L3MBTL4: variants seen among roughly 807,000 people sequenced by gnomAD.
L3MBTL4 encodes lethal(3)malignant brain tumor-like protein 4.
In L3MBTL4, 70 loss-of-function variants were observed where a neutral mutation model predicts 84.5. The ratio of observed to expected loss-of-function variants is 0.83; its 90% CI spans 0.68 to 1.01. L3MBTL4 has a LOEUF of 1.01. Ranked by LOEUF, L3MBTL4 falls within the 50% of genes least tolerant of loss-of-function variation. L3MBTL4 has a pLI of 0.00. For synonymous variants in L3MBTL4, 274 were observed against 259.8 expected, an observed-to-expected ratio of 1.05 and a Z score of -0.52; for missense variants, 715 against 754.8, an observed-to-expected ratio of 0.95 and a Z score of 0.62.
At chr18:6,274,761 G>C (rs2049011516) in intron 4 of L3MBTL4, among the ~76,000 whole-genome samples, 1 of 152,172 alleles carries the variant, frequency 6.6e-6, no homozygotes, top group Non-Finnish European at 1.5e-5. Flanking sequence ...ATATCAGGAA[G>C]GAGATCATGG....
intron 14 of L3MBTL4, among the ~76,000 whole-genome samples, chr18:6,114,093 C>G (rs1233569961): frequency 6.6e-6 from 1 of 152,234 alleles, no homozygotes; most frequent in Admixed American, 6.5e-5. Context: ...GACACACACA[C>G]AGACATCTAC....
At position 6,072,884 on chromosome 18, in the gene L3MBTL4, ATATAT is replaced by A. The variant is rs1568069853; in HGVS notation, c.1444+7992_1444+7996del. 1.8e-3 allele frequency among the ~76,000 whole-genome samples: 36 copies of A among 19,718 alleles called. 4 individuals are homozygous for A. Among genetic ancestry groups the A allele is most frequent in the Non-Finnish European group, 2.4e-3 (25 of 10,564 alleles). The allele number at this position is 19,718 out of a possible 152,430, so 12.9% of individuals were successfully genotyped here. Reference sequence around the variant, plus strand: ...CCGTCTCAAAAAAAAAAAAAAAAATATATATATATATATATATATATATATATATA... The same window carrying A: ...CCGTCTCAAAAAAAAAAAAAAAAATAATATATATATATATATATATATATA... On this transcript the variant is annotated intron_variant, in intron 16 of 18. Coordinates refer to ENST00000317931, the MANE Select transcript of L3MBTL4 (RefSeq NM_001330559.2).
intron 1 of L3MBTL4, among the ~76,000 whole-genome samples, chr18:6,361,373 G>A (rs1325022525): frequency 3.9e-5 from 6 of 152,088 alleles, no homozygotes; most frequent in African/African-American, 7.2e-5. Flanking sequence ...CCCCACCGCC[G>A]TCTGCCCCAA....
intron 14 of L3MBTL4, among the ~76,000 whole-genome samples, chr18:6,105,917 C>A (rs1297226704): frequency 1.3e-5 from 2 of 151,594 alleles, no homozygotes; most frequent in Non-Finnish European, 2.9e-5. Context: ...AGAAAGATAC[C>A]ATCAAAACAC....
chr18:6,146,390 G>A (rs2042652413), intron 13 of L3MBTL4, among the ~76,000 whole-genome samples: 1 of 152,230 alleles, frequency 6.6e-6, no homozygotes, highest in Non-Finnish European at 1.5e-5. Flanking sequence ...GAGATGTAGA[G>A]AGCAGAAAGA....
At chr18:6,234,274 AAAC>A (rs2047122074) in intron 10 of L3MBTL4, among the ~76,000 whole-genome samples, 1 of 152,238 alleles carries the variant, frequency 6.6e-6, no homozygotes, top group Non-Finnish European at 1.5e-5. Context: ...TTCATGTCTA[AAAC>A]ACCAAAAGCA....
intron 12 of L3MBTL4, among the ~76,000 whole-genome samples, chr18:6,185,472 A>G (rs1351872751): frequency 6.6e-6 from 1 of 152,170 alleles, no homozygotes. Flanking sequence ...GACCTCCCTC[A>G]CTGCAGGCTG....
chr18:6,029,753 C>T, intron 16 of L3MBTL4: 1 of 985,132 alleles, frequency 1.0e-6, no homozygotes, highest in Middle Eastern at 5.2e-4. Flanking sequence ...AATTAACCAA[C>T]TGGAATGGAA....
At position 6,301,932 on chromosome 18, in the gene L3MBTL4, G is replaced by A; in HGVS notation, c.98C>T (p.Pro33Leu). ...ACTCAAAGGGGTTGTGCTATCCTTG[G>A]GCTTCTTTTCCTCTTCAGCTTGCTC... ...RLEQAEEEKK[P>L]KDSTTPLSHV... The change falls in exon 4 of 19, where the codon CCC becomes CTC. Residue 33 changes from proline (P) to leucine (L), a missense_variant. Physicochemically the swap from Pro to Leu is moderately conservative, Grantham distance 98. Coordinates refer to ENST00000317931, the MANE Select transcript of L3MBTL4 (RefSeq NM_001330559.2). 1.9e-6 allele frequency: 3 copies of A among 1,613,282 alleles called. No homozygotes were observed. The East Asian group carries it at 6.7e-5, about 36-fold the overall frequency.
chr18:6,144,127 T>A (rs1282574831), intron 13 of L3MBTL4, among the ~76,000 whole-genome samples: 1 of 135,176 alleles, frequency 7.4e-6, no homozygotes, highest in Admixed American at 9.1e-5. Context: ...ACCTGGAAGG[T>A]GGAGCTTGCA....
chr18:6,186,989 G>C (rs2044802921), intron 12 of L3MBTL4, among the ~76,000 whole-genome samples: 1 of 152,070 alleles, frequency 6.6e-6, no homozygotes, highest in South Asian at 2.1e-4. Context: ...GTGATGCTAA[G>C]GCCTCAAACA....
intron 5 of L3MBTL4, among the ~76,000 whole-genome samples, chr18:6,257,362 C>T (rs896947915): frequency 4.6e-5 from 7 of 151,876 alleles, no homozygotes; most frequent in African/African-American, 9.7e-5. Context: ...TACACCCACA[C>T]GTAACCACAC....
chr18:6,374,733 G>A (rs1240993223), intron 1 of L3MBTL4, among the ~76,000 whole-genome samples: 20 of 151,974 alleles, frequency 1.3e-4, no homozygotes, highest in East Asian at 5.8e-4. Context: ...GTCACGCCCC[G>A]CCTCTCCTCA....
At chr18:6,302,714 G>A (rs751045073) in intron 3 of L3MBTL4, among the ~76,000 whole-genome samples, 7 of 152,234 alleles carry the variant, frequency 4.6e-5, no homozygotes, top group Non-Finnish European at 8.8e-5. Context: ...GCCAGCCACA[G>A]TGGCTCACAC....
chr18:6,063,791 T>C lies in L3MBTL4; in HGVS notation c.1444+17090A>G, dbSNP rs193059383. On this transcript the variant is annotated intron_variant, in intron 16 of 18. Transcript: ENST00000317931. The stretch of plus-strand genomic sequence containing the variant: ...AAATGCATAGTTTGCAAATATTTTC[T>C]CCCACTCTGTAGGTTGTCTGTTTAC... Among the ~76,000 whole-genome samples the C allele has an allele frequency of 3.1e-3, 471 of 152,262 alleles. 3 individuals carry two copies. Among genetic ancestry groups the C allele is most frequent in the Non-Finnish European group, 4.6e-3 (316 of 67,982 alleles).
intron 14 of L3MBTL4, among the ~76,000 whole-genome samples, chr18:6,104,777 G>T (rs2058946671): frequency 6.6e-6 from 1 of 152,126 alleles, no homozygotes; most frequent in Non-Finnish European, 1.5e-5. Flanking sequence ...TCATTCCATA[G>T]TCTTCAGATA....
intron 15 of L3MBTL4, among the ~76,000 whole-genome samples, chr18:6,081,457 A>G (rs1367536966): frequency 2.6e-5 from 4 of 152,220 alleles, no homozygotes; most frequent in African/African-American, 7.2e-5. Context: ...TTCTTTTATC[A>G]TGGAACTTCA....
chr18:6,294,339 G>A (rs2049997376), intron 4 of L3MBTL4, among the ~76,000 whole-genome samples: 1 of 152,176 alleles, frequency 6.6e-6, no homozygotes, highest in Non-Finnish European at 1.5e-5. Context: ...CAGCAAATAA[G>A]CTCATGGTCC....
intron 4 of L3MBTL4, among the ~76,000 whole-genome samples, chr18:6,279,086 A>G (rs1340100286): frequency 6.6e-6 from 1 of 152,164 alleles, no homozygotes; most frequent in African/African-American, 2.4e-5. Flanking sequence ...CATAGAGTTG[A>G]GACTTAAATC....
Sources: allele counts gnomAD v4.1 joint callset (sites outside exome capture counted in the v4.1 genomes callset), GRCh38; gene constraint gnomAD v4.1.1; transcripts MANE v1.5; gene names NCBI Gene and HGNC (gene_info 2026-07-23, HGNC 2026-07-21).